The following GALNT8 variants were observed in gnomAD, a reference collection of about 807,000 sequenced individuals.
GALNT8 encodes probable polypeptide N-acetylgalactosaminyltransferase 8.
A neutral mutation model predicts 62.7 loss-of-function variants in GALNT8; 66 were observed. The observed-to-expected ratio is 1.05, with a 90% CI of 0.86 to 1.29. The LOEUF is 1.29. Ranked by LOEUF, GALNT8 falls within the 50% of genes most tolerant of loss-of-function variation. GALNT8 has a pLI of 0.00. For synonymous variants in GALNT8, 288 were observed against 294.3 expected (o/e 0.98, Z 0.22); for missense variants, 771 against 791.8 (o/e 0.97, Z 0.32).
chr12:4,758,631 TGTGTGTGAGAGAGAGAGAGA>T (rs1434513946), intron 6 of GALNT8, among the ~76,000 whole-genome samples: 45 of 93,070 alleles, frequency 4.8e-4, no homozygotes, highest in Non-Finnish European at 6.5e-4. Flanking sequence ...TGTGTGTGTG[TGTGTGTGAGAGAGAGAGAGA>T]GAGAGAGAGA....
intron 10 of GALNT8, chr12:4,768,518 G>A (rs1946409631): frequency 1.5e-5 from 5 of 335,664 alleles, no homozygotes; most frequent in South Asian, 2.6e-5. Flanking sequence ...TTGGATGATC[G>A]CCTTCTCAGC....
intron 10 of GALNT8, among the ~76,000 whole-genome samples, chr12:4,770,313 A>G (rs35395098): frequency 1.3e-5 from 2 of 151,918 alleles, no homozygotes; most frequent in South Asian, 4.2e-4. Flanking sequence ...AAAGAAAAAA[A>G]AAAAAACAAA....
chr12:4,749,157 G>A lies in GALNT8; in HGVS notation c.1173+2899G>A, dbSNP rs1946312454. On this transcript the variant is annotated intron_variant, in intron 6 of 10. Transcript: ENST00000252318. This position sits in a 1 kb window ranked among gnomAD's most constrained non-coding sequence, Gnocchi z 4.1. Reference sequence around the variant, plus strand: ...AAGATTATGTCATCTGCAAACAAGGGTAACTTGAACTTCATCCATTCCAAC... The same window carrying A: ...AAGATTATGTCATCTGCAAACAAGGATAACTTGAACTTCATCCATTCCAAC... 6.6e-6 allele frequency among the ~76,000 whole-genome samples: 1 copy of A among 152,068 alleles called. No homozygotes were observed.
intron 6 of GALNT8, among the ~76,000 whole-genome samples, chr12:4,757,352 TAA>T (rs1363994587): frequency 1.3e-5 from 2 of 152,232 alleles, no homozygotes; most frequent in Non-Finnish European, 2.9e-5. Context: ...TATAATTTTA[TAA>T]AGATATTAAT....
At chr12:4,769,416 T>G (rs1478240005) in intron 10 of GALNT8, among the ~76,000 whole-genome samples, 1 of 152,136 alleles carries the variant, frequency 6.6e-6, no homozygotes, top group African/African-American at 2.4e-5. Context: ...TATCTTTACT[T>G]AAAGAATAGT....
At chr12:4,743,489 A>G (rs1448931078) in intron 3 of GALNT8, among the ~76,000 whole-genome samples, 2 of 152,170 alleles carry the variant, frequency 1.3e-5, no homozygotes, top group African/African-American at 4.8e-5. Flanking sequence ...GGTCTCACAA[A>G]TATGCTCGTC....
intron 2 of GALNT8, among the ~76,000 whole-genome samples, chr12:4,738,592 A>G (rs939030832): frequency 1.3e-5 from 2 of 152,146 alleles, no homozygotes; most frequent in Non-Finnish European, 2.9e-5. Flanking sequence ...GCAAACATAT[A>G]GAAAAAACTT....
intron 6 of GALNT8, among the ~76,000 whole-genome samples, chr12:4,748,086 A>T (rs1450936279): frequency 6.6e-6 from 1 of 152,094 alleles, no homozygotes; most frequent in African/African-American, 2.4e-5. Flanking sequence ...TTACCTATAG[A>T]GTTGTTTAAG....
At chr12:4,752,052 C>T (rs1450699973) in intron 6 of GALNT8, among the ~76,000 whole-genome samples, 1 of 152,024 alleles carries the variant, frequency 6.6e-6, no homozygotes, top group Non-Finnish European at 1.5e-5. Context: ...TCTATTTTGC[C>T]TGATATAAAT....
At chr12:4,742,777 G>A (rs892710046) in intron 3 of GALNT8, among the ~76,000 whole-genome samples, 6 of 152,178 alleles carry the variant, frequency 3.9e-5, no homozygotes, top group African/African-American at 1.4e-4. Context: ...GAACAAAAGT[G>A]AGGAATCCGG....
intron 2 of GALNT8, among the ~76,000 whole-genome samples, chr12:4,733,588 A>G (rs1022297790): frequency 1.3e-5 from 2 of 152,204 alleles, no homozygotes; most frequent in African/African-American, 2.4e-5. Context: ...ATAATCACCT[A>G]TTCTTACTCA....
chr12:4,733,766 T>G (rs762694577), intron 2 of GALNT8, among the ~76,000 whole-genome samples: 7 of 152,300 alleles, frequency 4.6e-5, no homozygotes, highest in Non-Finnish European at 1.0e-4. Context: ...GTAGTTAAGG[T>G]GATTTTATCC....
At chr12:4,740,815 G>T (rs1946268739) in intron 3 of GALNT8, among the ~76,000 whole-genome samples, 1 of 151,344 alleles carries the variant, frequency 6.6e-6, no homozygotes, top group Admixed American at 6.6e-5. Context: ...GGCATAGACT[G>T]ATCAAGGAAC....
chr12:4,765,353 T>C (rs1012622111), intron 9 of GALNT8, 26 bp from the exon 10 acceptor site: 7 of 1,042 alleles, frequency 6.7e-3, no homozygotes, highest in Non-Finnish European at 9.3e-3. Flanking sequence ...AGCCCTCTGC[T>C]TTTTTTTTTT....
intron 5 of GALNT8, 99 bp downstream of exon 5, chr12:4,745,725 C>T (rs192055532): frequency 2.1e-5 from 18 of 865,400 alleles, no homozygotes; most frequent in East Asian, 1.0e-4. Flanking sequence ...ATTGGGGTGA[C>T]GTGGAAGGAG....
chr12:4,758,553 G>A (rs1946355254), intron 6 of GALNT8, among the ~76,000 whole-genome samples: 1 of 151,080 alleles, frequency 6.6e-6, no homozygotes, highest in South Asian at 2.1e-4. Flanking sequence ...CAAAGTGTTA[G>A]GACAGCATAT....
intron 4 of GALNT8, 111 bp downstream of exon 4, chr12:4,744,811 T>C: frequency 3.0e-6 from 2 of 671,594 alleles, no homozygotes; most frequent in South Asian, 2.3e-5. Flanking sequence ...CACCAGGCCT[T>C]AAATAAAGGG....
Position 4,745,506 on chromosome 12 carries a change from A to T in GALNT8, c.938A>T (p.Asp313Val). The T allele has an allele frequency of 6.2e-7, 1 of 1,612,626 alleles. No individual in the cohort carries two copies. The highest frequency in any genetic ancestry group is 1.7e-4 in the Middle Eastern group (1 of 6,060). Reference protein sequence around the residue: ...VSPVFDNIRFDTFKLDKYELA... With the variant: ...VSPVFDNIRFVTFKLDKYELA... Reference sequence around the variant, plus strand: ...CCTGTGTTTGACAACATTCGTTTTGACACCTTCAAACTGGATAAGTATGAA... The same window carrying T: ...CCTGTGTTTGACAACATTCGTTTTGTCACCTTCAAACTGGATAAGTATGAA... The change falls in exon 5 of 11, where the codon GAC becomes GTC. Residue 313 changes from aspartate (D) to valine (V), a missense_variant. By Grantham distance (152) the Asp-to-Val change is radical (BLOSUM62 -3). Transcript: ENST00000252318.
At position 4,765,380 on chromosome 12, in the gene GALNT8, A is replaced by C. The variant is rs1946394691; in HGVS notation, c.1595A>C (p.Asn532Thr). 6.3e-6 allele frequency: 6 copies of C among 952,536 alleles called. No homozygotes were observed. Among genetic ancestry groups the C allele is most frequent in the Admixed American group, 3.1e-5 (1 of 32,582 alleles). 59.0% of individuals were successfully genotyped at this position (952,536 alleles called of 1,614,324 possible). A position where few individuals can be genotyped will look rare whatever the true frequency, so the allele number is the denominator to read the frequency against. The stretch of plus-strand genomic sequence containing the variant: ...TTTTTTTTTTTTTTTTTTTTTTAGA[A>C]TGTCTACTATCACCTAACTGGGGAG... ...MYYCHEFSSQ[N>T]VYYHLTGELY... The change falls in exon 10 of 11, where the codon AAT becomes ACT. Residue 532 changes from asparagine to threonine, a missense_variant and splice_region_variant. Asn to Thr is a moderately conservative substitution (Grantham distance 65). Coordinates refer to ENST00000252318, the MANE Select transcript of GALNT8 (RefSeq NM_017417.2).
Sources: allele counts gnomAD v4.1 joint callset (sites outside exome capture counted in the v4.1 genomes callset), GRCh38; gene constraint gnomAD v4.1.1; non-coding constraint Gnocchi (gnomAD v3.1); transcripts MANE v1.5; gene names NCBI Gene and HGNC (gene_info 2026-07-23, HGNC 2026-07-21).